The following MYH11 variants were observed in gnomAD, a reference collection of about 807,000 sequenced individuals.
The protein encoded by MYH11 is myosin-11.
A neutral mutation model predicts 246.6 loss-of-function variants in MYH11; 80 were observed. That is an observed-to-expected ratio of 0.32 (90% CI 0.27 to 0.39). The LOEUF (loss-of-function observed/expected upper bound fraction) is 0.39. Among genes scored for constraint, MYH11 ranks in the 10% least tolerant of loss-of-function variants. MYH11 has a pLI of 1.00. For missense variants in MYH11, 2,158 were observed against 2,546.8 expected (o/e 0.85, Z 3.29); for synonymous variants, 1,071 against 1,015.5 (o/e 1.05, Z -1.04).
rs752082542 is a variant in MYH11, at chr16:15,798,690, G to A, written c.503-3C>T. 1 of 1,611,662 alleles carries A rather than the reference G, an allele frequency of 6.2e-7. No individual in the cohort carries two copies. The highest frequency in any genetic ancestry group is 8.5e-7 in the Non-Finnish European group (1 of 1,179,660). ...TAGAATGGACTGGTCCTCCCGATCT[G>A]CAAACAGAAAGAAGAAAAAAGAGCC... On this transcript the variant is annotated splice_polypyrimidine_tract_variant and splice_region_variant and intron_variant, in intron 3 of 40. Transcript: ENST00000300036.
chr16:15,732,523 C>T, intron 27 of MYH11, 41 bp downstream of exon 27: 1 of 1,613,890 alleles, frequency 6.2e-7, no homozygotes, highest in South Asian at 1.1e-5. Context: ...TGATGTCACT[C>T]TTATGTGTCA....
intron 10 of MYH11, 36 bp downstream of exon 10, chr16:15,763,760 C>CCCCCCAAAA: frequency 6.7e-6 from 8 of 1,192,056 alleles, no homozygotes; most frequent in Non-Finnish European, 1.0e-5. Context: ...CCCCCAACCC[C>CCCCCCAAAA]AAAGTCATTG....
chr16:15,704,179 G>T, intron 40 of MYH11, 56 bp from the exon 41 acceptor site: 1 of 1,603,770 alleles, frequency 6.2e-7, no homozygotes, highest in Non-Finnish European at 8.5e-7. Flanking sequence ...GGTTGGGATA[G>T]ATTTTTTATA....
chr16:15,722,764 G>A (rs2040552130), intron 31 of MYH11, among the ~76,000 whole-genome samples: 1 of 152,164 alleles, frequency 6.6e-6, no homozygotes. Flanking sequence ...TTTTGAGACA[G>A]GGTTTTCACT....
chr16:15,800,581 T>C (rs985332249), intron 3 of MYH11, among the ~76,000 whole-genome samples: 1 of 148,700 alleles, frequency 6.7e-6, no homozygotes, highest in African/African-American at 2.5e-5. Context: ...ACAGAGTGTA[T>C]AGGCCGGTAA....
In MYH11 at chr16:15,717,276, G is replaced by A. The variant is rs777456120; in HGVS notation, c.5368C>T (p.Leu1790Phe). Residue 1790 changes from leucine to phenylalanine, a missense_variant, in exon 38 of 41, where the codon CTC becomes TTC. Physicochemically the swap from Leu to Phe is conservative, Grantham distance 22 (BLOSUM62 0). Coordinates refer to ENST00000300036, the MANE Select transcript of MYH11 (RefSeq NM_002474.3). Reference sequence around the variant, plus strand: ...CGGAGCTCCTTGTTCTGCCGCTCGAGCTGCTGCCGGGCACTCTCATTCTTC... The same window carrying A: ...CGGAGCTCCTTGTTCTGCCGCTCGAACTGCTGCCGGGCACTCTCATTCTTC... Reference protein sequence around the residue: ...AQKNESARQQLERQNKELRSK... With the variant: ...AQKNESARQQFERQNKELRSK... 6.2e-6 allele frequency: 10 copies of A among 1,613,670 alleles called. No homozygotes were observed. Among genetic ancestry groups the A allele is most frequent in the African/African-American group, 5.3e-5 (4 of 74,942 alleles).
chr16:15,754,365 T>C (rs949593451), intron 14 of MYH11, among the ~76,000 whole-genome samples: 2 of 152,092 alleles, frequency 1.3e-5, no homozygotes, highest in African/African-American at 4.8e-5. Flanking sequence ...ACAATGACAA[T>C]GCCCAAAGCC....
rs756416618 is a variant in MYH11 at position 15,782,367 on chromosome 16, T to C, written c.726+18A>G. The C allele has an allele frequency of 3.1e-6, 5 of 1,610,010 alleles. No individual in the cohort carries two copies. The highest frequency in any genetic ancestry group is 2.2e-5 in the East Asian group (1 of 44,876). ...CACCAAAGCTTTTCTGGAAAATCCA[T>C]GTGGCTTTGCTACTTACGAATCGTG... On this transcript the variant is annotated intron_variant, in intron 6 of 40. Coordinates refer to ENST00000300036, the MANE Select transcript of MYH11 (RefSeq NM_002474.3).
chr16:15,707,959 C>CAAAAAA (rs59081092), intron 40 of MYH11, among the ~76,000 whole-genome samples: 1 of 115,968 alleles, frequency 8.6e-6, no homozygotes, highest in Non-Finnish European at 1.8e-5. Context: ...GACTCCGTCT[C>CAAAAAA]AAAAAAAAAA....
rs2040665153 is a variant in MYH11, at chr16:15,724,780, G to T, written c.3983C>A (p.Thr1328Asn). The T allele has an allele frequency of 6.2e-7, 1 of 1,614,012 alleles. No homozygotes were observed. Among genetic ancestry groups the T allele is most frequent in the Non-Finnish European group, 8.5e-7 (1 of 1,180,024 alleles). Residue 1328 changes from threonine (T) to asparagine (N), a missense_variant, in exon 30 of 41, where the codon ACC becomes AAC. Thr to Asn is a moderately conservative substitution (Grantham distance 65, BLOSUM62 0). Around this residue, in one of 11 missense-constraint regions of MYH11, gnomAD observed 1,013 missense variants for 993.5 expected, o/e 1.02. Coordinates refer to ENST00000300036, the MANE Select transcript of MYH11 (RefSeq NM_002474.3). ...CGTAGACACGTTGAGCTTCTGCCGG[G>T]TTTCTTCTTGAAGCAGCTCCTGCAA... ...QDTQELLQEE[T>N]RQKLNVSTKL...
At chr16:15,850,448 A>G (rs1049920915) in intron 1 of MYH11, among the ~76,000 whole-genome samples, 1 of 152,148 alleles carries the variant, frequency 6.6e-6, no homozygotes. Flanking sequence ...GGATTTGCAC[A>G]TCACCTCACC....
intron 20 of MYH11, among the ~76,000 whole-genome samples, chr16:15,742,681 C>T (rs531682444): frequency 3.5e-4 from 53 of 152,020 alleles, no homozygotes; most frequent in African/African-American, 1.3e-3. Flanking sequence ...CAGTGAGCCA[C>T]GATTGTGCCA....
At position 15,771,659 on chromosome 16, in the gene MYH11, C is replaced by T. The variant is rs2042104736; in HGVS notation, c.943G>A (p.Val315Met). The T allele has an allele frequency of 6.2e-7, 1 of 1,613,864 alleles. No homozygotes were observed. Among genetic ancestry groups the T allele is most frequent in the Admixed American group, 1.7e-5 (1 of 59,966 alleles). Residue 315 changes from valine to methionine, a missense_variant, in exon 9 of 41, where the codon GTG becomes ATG. Transcript: ENST00000300036. The stretch of plus-strand genomic sequence containing the variant: ...TCATCCTGGGCTGCTGGGATGGGCA[C>T]AAAGCCATTGGAGAGGAAGGTGTAG... Reference protein sequence around the residue: ...NNYTFLSNGFVPIPAAQDDEM... With the variant: ...NNYTFLSNGFMPIPAAQDDEM...
intron 34 of MYH11, among the ~76,000 whole-genome samples, chr16:15,719,932 G>A (rs899375867): frequency 7.9e-5 from 12 of 152,304 alleles, no homozygotes; most frequent in South Asian, 2.1e-4. Context: ...CTGAGCCCCT[G>A]ATGTGATCTG....
chr16:15,764,857 G>A (rs898897644), intron 9 of MYH11, among the ~76,000 whole-genome samples: 4 of 152,372 alleles, frequency 2.6e-5, no homozygotes, highest in East Asian at 1.9e-4. Flanking sequence ...TCTTCTGGGT[G>A]TAACAGATGC....
intron 26 of MYH11, among the ~76,000 whole-genome samples, chr16:15,733,723 A>G (rs768290065): frequency 1.2e-4 from 18 of 151,614 alleles, no homozygotes; most frequent in Non-Finnish European, 2.2e-4. Flanking sequence ...TTGTCTTTTT[A>G]GTAGAGACAG....
intron 37 of MYH11, 166 bp downstream of exon 37, chr16:15,718,149 C>T (rs2040266378): frequency 1.9e-6 from 2 of 1,050,386 alleles, no homozygotes; most frequent in African/African-American, 1.6e-5. Context: ...GCAGCCTGGG[C>T]ACTGGTGTAA....
At chr16:15,737,418 C>T in intron 25 of MYH11, 31 bp downstream of exon 25, 1 of 1,607,400 alleles carries the variant, frequency 6.2e-7, no homozygotes, top group Non-Finnish European at 8.5e-7. Flanking sequence ...TACATGGACA[C>T]ACAGCAAATG....
intron 40 of MYH11, among the ~76,000 whole-genome samples, chr16:15,711,762 A>G (rs983576226): frequency 2.0e-5 from 3 of 152,064 alleles, no homozygotes; most frequent in Non-Finnish European, 2.9e-5. Context: ...GTGCGATCTC[A>G]GCTCACTGTA....
Sources: allele counts gnomAD v4.1 joint callset (sites outside exome capture counted in the v4.1 genomes callset), GRCh38; gene constraint gnomAD v4.1.1; regional missense constraint gnomAD v4.1.1; transcripts MANE v1.5; gene names NCBI Gene and HGNC (gene_info 2026-07-23, HGNC 2026-07-21).